Variants in PALM2AKAP2 observed in about 807,000 individuals in gnomAD.
PALM2AKAP2 encodes the protein PALM2-AKAP2 fusion protein.
A neutral mutation model predicts 71.5 loss-of-function variants in PALM2AKAP2; 37 were observed. The ratio of observed to expected loss-of-function variants is 0.52; its 90% CI spans 0.40 to 0.68. The LOEUF is 0.68. PALM2AKAP2 is among the 30% of genes least tolerant of loss of function. The pLI is 0.00. For synonymous variants in PALM2AKAP2, 468 were observed against 478.8 expected (o/e 0.98, Z 0.29); for missense variants, 1,224 against 1,191.8 (o/e 1.03, Z -0.40).
At chr9:110,122,868 G>A (rs1447434449) in intron 1 of PALM2AKAP2, among the ~76,000 whole-genome samples, 1 of 152,140 alleles carries the variant, frequency 6.6e-6, no homozygotes, top group East Asian at 1.9e-4. Flanking sequence ...AGAGGTGTGA[G>A]CTGCAGCTAG....
At chr9:109,745,376 G>A (rs988775029) in intron 1 of PALM2AKAP2, among the ~76,000 whole-genome samples, 4 of 151,998 alleles carry the variant, frequency 2.6e-5, no homozygotes, top group Admixed American at 2.6e-4. Context: ...ATAAAAATAA[G>A]GCTCATAGTT....
intron 1 of PALM2AKAP2, among the ~76,000 whole-genome samples, chr9:109,852,822 T>C (rs1015709667): frequency 6.6e-6 from 1 of 152,164 alleles, no homozygotes; most frequent in African/African-American, 2.4e-5. Context: ...GTTGGCTGCT[T>C]GTATGTCTTT....
At position 109,943,540 on chromosome 9, in the gene PALM2AKAP2, T is replaced by TG; in HGVS notation, c.496+11513dup. On this transcript the variant is annotated intron_variant, in intron 6 of 9. Coordinates refer to the PALM2AKAP2 transcript ENST00000302798. ...CTGGAAGCAAACACCTGCCTTGCCT[T>TG]GCAGTTGAATTGCTTTGATCTCTCT... 3 of 1,389,452 alleles carry TG rather than the reference T, an allele frequency of 2.2e-6. No individual in the cohort carries two copies. The South Asian group carries it at 4.2e-5, about 20-fold the overall frequency. The allele number at this position is 1,389,452 out of a possible 1,614,324, so 86.1% of individuals were successfully genotyped here.
intron 3 of PALM2AKAP2, among the ~76,000 whole-genome samples, chr9:110,164,427 T>G (rs555234479): frequency 6.6e-6 from 1 of 152,270 alleles, no homozygotes; most frequent in South Asian, 2.1e-4. Flanking sequence ...AGAGAAAAAT[T>G]AATATTAAAG....
At chr9:110,070,471 A>G (rs1834177772) in intron 1 of PALM2AKAP2, among the ~76,000 whole-genome samples, 1 of 152,214 alleles carries the variant, frequency 6.6e-6, no homozygotes, top group Non-Finnish European at 1.5e-5. Flanking sequence ...TTTATTTGTG[A>G]TTATTCAAAT....
At chr9:109,986,610 C>A (rs1039549783) in intron 6 of PALM2AKAP2, among the ~76,000 whole-genome samples, 5 of 152,208 alleles carry the variant, frequency 3.3e-5, no homozygotes, top group African/African-American at 1.2e-4. Flanking sequence ...TAAAACAAGA[C>A]TCAGTCTGTG....
chr9:109,849,348 T>C (rs1034918747), intron 1 of PALM2AKAP2, among the ~76,000 whole-genome samples: 2 of 152,208 alleles, frequency 1.3e-5, no homozygotes, highest in Non-Finnish European at 2.9e-5. Flanking sequence ...CAGCTGGTGA[T>C]TTGAAGATAG....
At chr9:110,141,514 G>C (rs1316239734) in intron 2 of PALM2AKAP2, among the ~76,000 whole-genome samples, 1 of 152,216 alleles carries the variant, frequency 6.6e-6, no homozygotes, top group Non-Finnish European at 1.5e-5. Context: ...TTCATGCCTG[G>C]AAATCTTTGG....
At chr9:109,913,904 C>T (rs1830627840) in intron 3 of PALM2AKAP2, among the ~76,000 whole-genome samples, 1 of 151,926 alleles carries the variant, frequency 6.6e-6, no homozygotes, top group African/African-American at 2.4e-5. Context: ...CTACAGGCGC[C>T]CGCCACTACG....
chr9:110,032,121 T>A (rs1387875717), intron 7 of PALM2AKAP2, among the ~76,000 whole-genome samples: 1 of 149,136 alleles, frequency 6.7e-6, no homozygotes, highest in Non-Finnish European at 1.5e-5. Context: ...AGCACACAGG[T>A]GTCCTGCAAT....
intron 6 of PALM2AKAP2, among the ~76,000 whole-genome samples, chr9:109,960,607 A>G (rs1831836854): frequency 6.6e-6 from 1 of 152,130 alleles, no homozygotes; most frequent in Non-Finnish European, 1.5e-5. Context: ...GCAGGACCCT[A>G]TTTCTTTAAA....
chr9:109,758,886 T>A (rs1229686175), intron 1 of PALM2AKAP2, among the ~76,000 whole-genome samples: 2 of 152,118 alleles, frequency 1.3e-5, no homozygotes, highest in Non-Finnish European at 2.9e-5. Flanking sequence ...TTGTACCTAT[T>A]TGTGGGGTAT....
At chr9:110,012,210 T>C (rs1350174969) in intron 6 of PALM2AKAP2, among the ~76,000 whole-genome samples, 1 of 152,086 alleles carries the variant, frequency 6.6e-6, no homozygotes, top group Admixed American at 6.6e-5. Context: ...TGAGAATTGC[T>C]TGTGCCTGAG....
At chr9:110,099,436 A>G (rs1041117288) in intron 1 of PALM2AKAP2, among the ~76,000 whole-genome samples, 2 of 152,216 alleles carry the variant, frequency 1.3e-5, no homozygotes, top group Non-Finnish European at 2.9e-5. Context: ...CCAGGCAGCT[A>G]TGAATGAGGT....
In PALM2AKAP2 at chr9:109,672,364, C is replaced by T. The variant is rs535027372; in HGVS notation, c.5+31498C>T. On this transcript the variant is annotated intron_variant, in intron 1 of 6. Transcript: ENST00000374531. The stretch of plus-strand genomic sequence containing the variant: ...TTCTGTATCTATTGAGATAATAATG[C>T]GGTTTTTGTCTTTAATTCTGTTTCT... Among the ~76,000 whole-genome samples the T allele has an allele frequency of 8.6e-5, 13 of 151,952 alleles. No individual in the cohort carries two copies. The South Asian group carries it at 1.7e-3, about 19-fold the overall frequency.
intron 7 of PALM2AKAP2, among the ~76,000 whole-genome samples, chr9:110,042,757 TG>T (rs1320112352): frequency 6.6e-6 from 1 of 152,230 alleles, no homozygotes; most frequent in African/African-American, 2.4e-5. Context: ...CTTGTTGTTC[TG>T]ATTTCCTATT....
At chr9:110,090,223 C>T (rs978786315) in intron 1 of PALM2AKAP2, 8 of 391,624 alleles carry the variant, frequency 2.0e-5, no homozygotes, top group African/African-American at 1.2e-4. Context: ...GTACAGGATG[C>T]GAGCTCAGTC....
chr9:109,642,490 A>C (rs1227858333), intron 1 of PALM2AKAP2, among the ~76,000 whole-genome samples: 4 of 147,940 alleles, frequency 2.7e-5, no homozygotes, highest in East Asian at 2.1e-4. Context: ...AACGGCAAAA[A>C]CCGCAAATTA....
intron 1 of PALM2AKAP2, among the ~76,000 whole-genome samples, chr9:110,121,855 C>G (rs1588121255): frequency 6.6e-6 from 1 of 152,202 alleles, no homozygotes; most frequent in Non-Finnish European, 1.5e-5. Context: ...TCTTGAGACT[C>G]TGCCCACTCA....
Sources: allele counts gnomAD v4.1 joint callset (sites outside exome capture counted in the v4.1 genomes callset), GRCh38; gene constraint gnomAD v4.1.1; transcripts MANE v1.5; gene names NCBI Gene and HGNC (gene_info 2026-07-23, HGNC 2026-07-21).